The following SPINK6 variants were observed in gnomAD, a reference collection of about 807,000 sequenced individuals.
The protein encoded by SPINK6 is serine protease inhibitor Kazal-type 6.
Under a neutral mutation model 11.7 loss-of-function variants are expected in SPINK6, and 13 were observed. The observed-to-expected ratio is 1.11, with a 90% CI of 0.72 to 1.76. SPINK6 has a LOEUF of 1.76. Among genes scored for constraint, SPINK6 ranks in the 40% most tolerant of loss-of-function variants. The probability of loss-of-function intolerance (pLI) is 0.00; values close to 1 mark genes in which losing one functional copy is unlikely to be tolerated. For synonymous variants in SPINK6, 21 were observed against 31.9 expected, an observed-to-expected ratio of 0.66 and a Z score of 1.15; for missense variants, 98 against 93.7, an observed-to-expected ratio of 1.05 and a Z score of -0.19.
chr5:148,206,669 T>C (rs1755503267), intron 2 of SPINK6, among the ~76,000 whole-genome samples: 2 of 152,220 alleles, frequency 1.3e-5, no homozygotes, highest in African/African-American at 2.4e-5. Context: ...GCACAAGTTA[T>C]CTTCATCATT....
chr5:148,205,090 T>C (rs1428346398), intron 1 of SPINK6, among the ~76,000 whole-genome samples: 1 of 152,220 alleles, frequency 6.6e-6, no homozygotes, highest in African/African-American at 2.4e-5. Flanking sequence ...GTAACCTTCT[T>C]TCAAATTAAA....
chr5:148,206,629 T>C (rs185441013), intron 2 of SPINK6, among the ~76,000 whole-genome samples: 4 of 152,328 alleles, frequency 2.6e-5, no homozygotes, highest in Admixed American at 6.5e-5. Context: ...ACTCAAATTT[T>C]AATAATATTT....
At chr5:148,209,865 CAG>C (rs1755546785) in intron 2 of SPINK6, among the ~76,000 whole-genome samples, 1 of 150,010 alleles carries the variant, frequency 6.7e-6, no homozygotes, top group Non-Finnish European at 1.5e-5. Context: ...ATGGAAAAAA[CAG>C]AATACAAAAC....
chr5:148,212,635 A>T (rs1177262399), intron 2 of SPINK6, among the ~76,000 whole-genome samples: 17 of 104,930 alleles, frequency 1.6e-4, no homozygotes, highest in African/African-American at 6.3e-4. Context: ...ATTATATATT[A>T]TATATAATAT....
At chr5:148,213,080 T>C (rs1224097665) in intron 2 of SPINK6, among the ~76,000 whole-genome samples, 3 of 151,454 alleles carry the variant, frequency 2.0e-5, no homozygotes, top group Non-Finnish European at 4.4e-5. Context: ...TTTATGTGTA[T>C]ATACATAAAC....
rs751926170 is a variant in SPINK6, at chr5:148,206,054, G to T, written c.77G>T (p.Gly26Val). 13 of 1,613,902 alleles carry T rather than the reference G, an allele frequency of 8.1e-6. No homozygotes were observed. The South Asian group carries it at 1.3e-4, about 16-fold the overall frequency. Residue 26 changes from glycine to valine, a missense_variant, in exon 2 of 4, where the codon GGA becomes GTA. Transcript: ENST00000325630. Reference protein sequence around the residue: ...CFLTGVFSQGGQVDCGEFQDP... With the variant: ...CFLTGVFSQGVQVDCGEFQDP... ...CTTTCAGGTGTCTTCAGTCAGGGAG[G>T]ACAGGTCAGTGCCTATTTTTATCTC...
intron 2 of SPINK6, among the ~76,000 whole-genome samples, chr5:148,210,007 C>CGTATGT (rs1408259548): frequency 9.5e-6 from 1 of 105,730 alleles, no homozygotes; most frequent in Non-Finnish European, 1.8e-5. Flanking sequence ...CGTATGTATA[C>CGTATGT]ATGTATGTAC....
intron 2 of SPINK6, among the ~76,000 whole-genome samples, chr5:148,211,921 A>G (rs1296441573): frequency 6.6e-6 from 1 of 152,138 alleles, no homozygotes; most frequent in Non-Finnish European, 1.5e-5. Flanking sequence ...CAATTGATAA[A>G]CACAAGACAG....
chr5:148,211,717 A>T (rs570290622), intron 2 of SPINK6, among the ~76,000 whole-genome samples: 1 of 152,156 alleles, frequency 6.6e-6, no homozygotes, highest in Admixed American at 6.5e-5. Flanking sequence ...ACTAAAATTT[A>T]AGAGTATGAT....
chr5:148,211,764 T>A (rs1177789449), intron 2 of SPINK6, among the ~76,000 whole-genome samples: 1 of 152,198 alleles, frequency 6.6e-6, no homozygotes, highest in African/African-American at 2.4e-5. Flanking sequence ...CATATGCCAC[T>A]TGATTGATTT....
intron 2 of SPINK6, among the ~76,000 whole-genome samples, chr5:148,208,970 A>C (rs918842651): frequency 3.3e-5 from 5 of 152,246 alleles, no homozygotes; most frequent in African/African-American, 1.2e-4. Flanking sequence ...TAACCAGAAC[A>C]AGCCTTTTAA....
intron 2 of SPINK6, among the ~76,000 whole-genome samples, chr5:148,208,041 G>A (rs116370560): frequency 0.013 from 1,979 of 152,228 alleles, 48 homozygotes; most frequent in African/African-American, 0.045. Context: ...GTAAGAGGAG[G>A]CAAACTGTAT....
intron 1 of SPINK6, among the ~76,000 whole-genome samples, chr5:148,203,908 T>C (rs1755465642): frequency 1.3e-5 from 2 of 152,136 alleles, no homozygotes; most frequent in African/African-American, 4.8e-5. Context: ...CTCTTTCACG[T>C]TGTAGGGCAC....
At position 148,215,022 on chromosome 5, in the gene SPINK6, G is replaced by C. The variant is rs1755663660; in HGVS notation, c.*72G>C. On this transcript the variant is annotated 3_prime_UTR_variant, in exon 4 of 4. Coordinates refer to ENST00000325630, the MANE Select transcript of SPINK6 (RefSeq NM_205841.4). ...TTTTCTCACTTCTGCTTATACTTTTGCTGGTGGATTCCTTTAATTCATAAA... is the reference window on the plus strand; with the variant it reads ...TTTTCTCACTTCTGCTTATACTTTTCCTGGTGGATTCCTTTAATTCATAAA... 1 of 1,459,976 alleles carries C rather than the reference G, an allele frequency of 6.8e-7. No individual in the cohort carries two copies. The highest frequency in any genetic ancestry group is 9.6e-7 in the Non-Finnish European group (1 of 1,043,240). 90.4% of individuals were successfully genotyped at this position (1,459,976 alleles called of 1,614,324 possible). A position where few individuals can be genotyped will look rare whatever the true frequency, so the allele number is the denominator to read the frequency against.
Position 148,214,946 on chromosome 5 carries a change from G to A in SPINK6, c.239G>A (p.Cys80Tyr). The A allele has an allele frequency of 6.2e-7, 1 of 1,613,744 alleles. No individual in the cohort carries two copies. The highest frequency in any genetic ancestry group is 8.5e-7 in the Non-Finnish European group (1 of 1,179,824). ...ATTAGCCTAAAGCATCCTGGAAAAT[G>A]CTGAGTTAAAGCCAATGTTTCTTGG... ...GKISLKHPGK[C>Y] The change falls in exon 4 of 4, where the codon TGC becomes TAC. Residue 80 changes from cysteine (C) to tyrosine (Y), a missense_variant. Cys to Tyr is a radical substitution (Grantham distance 194). Coordinates refer to ENST00000325630, the MANE Select transcript of SPINK6 (RefSeq NM_205841.4).
At chr5:148,214,220 ATAATCT>A (rs1381798543) in intron 3 of SPINK6, among the ~76,000 whole-genome samples, 195 bp downstream of exon 3, 3 of 152,232 alleles carry the variant, frequency 2.0e-5, no homozygotes, top group Non-Finnish European at 4.4e-5. Flanking sequence ...ATTTGAAGAC[ATAATCT>A]TAATCGCTTT....
intron 2 of SPINK6, among the ~76,000 whole-genome samples, chr5:148,209,527 A>C (rs1468499103): frequency 6.6e-6 from 1 of 152,202 alleles, no homozygotes; most frequent in Non-Finnish European, 1.5e-5. Flanking sequence ...AAAGATTTGA[A>C]ATTAGGAGGA....
chr5:148,208,847 C>T (rs79535793), intron 2 of SPINK6, among the ~76,000 whole-genome samples: 1,985 of 152,218 alleles, frequency 0.013, 48 homozygotes, highest in African/African-American at 0.046. Flanking sequence ...ATACATTTTG[C>T]TTTTTGAATC....
At chr5:148,204,637 T>C (rs1007202359) in intron 1 of SPINK6, among the ~76,000 whole-genome samples, 1 of 151,924 alleles carries the variant, frequency 6.6e-6, no homozygotes, top group Non-Finnish European at 1.5e-5. Flanking sequence ...TAAAGGACTA[T>C]CTCTGTGTGG....
Sources: allele counts gnomAD v4.1 joint callset (sites outside exome capture counted in the v4.1 genomes callset), GRCh38; gene constraint gnomAD v4.1.1; transcripts MANE v1.5; gene names NCBI Gene and HGNC (gene_info 2026-07-23, HGNC 2026-07-21).